CFAP61: variants seen among roughly 807,000 people sequenced by gnomAD.
CFAP61 encodes the protein cilia- and flagella-associated protein 61.
In CFAP61, 107 loss-of-function variants were observed where a neutral mutation model predicts 135.6. The ratio of observed to expected loss-of-function variants is 0.79; its 90% CI spans 0.67 to 0.93. The LOEUF (loss-of-function observed/expected upper bound fraction) is 0.93, where lower values mean the gene tolerates loss of function less well. CFAP61 is among the 40% of genes least tolerant of loss of function. CFAP61 has a pLI of 0.00. For missense variants in CFAP61, 1,507 were observed against 1,556.2 expected (o/e 0.97, Z 0.53); for synonymous variants, 575 against 578.5 (o/e 0.99, Z 0.09).
intron 11 of CFAP61, among the ~76,000 whole-genome samples, 181 bp from the exon 12 acceptor site, chr20:20,166,216 T>TC (rs1351760235): frequency 3.3e-4 from 51 of 152,240 alleles, no homozygotes; most frequent in African/African-American, 1.2e-3. Context: ...TGCAGAATAC[T>TC]TTATTACTGA....
At chr20:20,241,247 A>T (rs2049995877) in intron 18 of CFAP61, among the ~76,000 whole-genome samples, 1 of 152,126 alleles carries the variant, frequency 6.6e-6, no homozygotes, top group Non-Finnish European at 1.5e-5. Context: ...GACATAGGAG[A>T]TGTGCTCACC....
intron 8 of CFAP61, among the ~76,000 whole-genome samples, chr20:20,125,588 A>C (rs1232336210): frequency 6.6e-6 from 1 of 151,616 alleles, no homozygotes; most frequent in African/African-American, 2.4e-5. Flanking sequence ...AGGCTGCTTG[A>C]TGTAATATTA....
intron 8 of CFAP61, among the ~76,000 whole-genome samples, chr20:20,136,107 A>G (rs1428782884): frequency 6.6e-6 from 1 of 151,976 alleles, no homozygotes; most frequent in Non-Finnish European, 1.5e-5. Flanking sequence ...TGCCAGACGT[A>G]TTGGAGCTGC....
At chr20:20,259,243 AT>A (rs2051941907) in intron 20 of CFAP61, among the ~76,000 whole-genome samples, 2 of 120,880 alleles carry the variant, frequency 1.7e-5, no homozygotes, top group Admixed American at 1.9e-4. Flanking sequence ...AGGCCCTTCC[AT>A]CTTTTTTTTT....
At chr20:20,153,464 C>A (rs968019402) in intron 9 of CFAP61, among the ~76,000 whole-genome samples, 1 of 151,928 alleles carries the variant, frequency 6.6e-6, no homozygotes, top group African/African-American at 2.4e-5. Context: ...AATTGATAGA[C>A]CATTACCAAG....
chr20:20,121,491 A>G (rs1038678680), intron 8 of CFAP61, among the ~76,000 whole-genome samples: 3 of 151,138 alleles, frequency 2.0e-5, no homozygotes, highest in African/African-American at 7.3e-5. Context: ...TTTAGTTTTT[A>G]AAATTTTTAA....
chr20:20,195,081 A>C (rs1367207254), intron 15 of CFAP61, among the ~76,000 whole-genome samples: 2 of 152,194 alleles, frequency 1.3e-5, no homozygotes, highest in Non-Finnish European at 2.9e-5. Flanking sequence ...GTCTTATAGT[A>C]TAAAGGCCAT....
intron 25 of CFAP61, among the ~76,000 whole-genome samples, 187 bp downstream of exon 25, chr20:20,298,573 G>T (rs2055823931): frequency 6.6e-6 from 1 of 152,200 alleles, no homozygotes; most frequent in Non-Finnish European, 1.5e-5. Flanking sequence ...GAGAGTCACA[G>T]GATGTGTCCA....
chr20:20,144,250 G>A (rs1310330646), intron 9 of CFAP61, among the ~76,000 whole-genome samples: 2 of 152,130 alleles, frequency 1.3e-5, no homozygotes, highest in Non-Finnish European at 2.9e-5. Context: ...TGCATAAGGT[G>A]GAGATAAATC....
chr20:20,247,412 G>T (rs12626132), intron 19 of CFAP61, among the ~76,000 whole-genome samples: 2 of 152,138 alleles, frequency 1.3e-5, no homozygotes, highest in Admixed American at 6.5e-5. Context: ...AGCCACTGGC[G>T]TCCCTGCTGC....
At chr20:20,227,758 A>G (rs965973340) in intron 17 of CFAP61, among the ~76,000 whole-genome samples, 43 of 152,232 alleles carry the variant, frequency 2.8e-4, no homozygotes, top group African/African-American at 1.0e-3. Context: ...TCCACAAGAC[A>G]CCGCGTTAAG....
chr20:20,300,242 T>C (rs1209260593), intron 25 of CFAP61, among the ~76,000 whole-genome samples: 1 of 152,218 alleles, frequency 6.6e-6, no homozygotes, highest in Non-Finnish European at 1.5e-5. Flanking sequence ...GTATTTACTA[T>C]ACTATACATT....
chr20:20,153,271 G>A (rs2052604546), intron 9 of CFAP61, among the ~76,000 whole-genome samples: 1 of 152,092 alleles, frequency 6.6e-6, no homozygotes, highest in Admixed American at 6.5e-5. Context: ...CGAAAAGTCT[G>A]AAAGAGCACA....
intron 22 of CFAP61, 22 bp downstream of exon 22, chr20:20,277,480 T>C (rs2053858429): frequency 6.3e-7 from 1 of 1,580,242 alleles, no homozygotes; most frequent in African/African-American, 1.3e-5. Flanking sequence ...CCTGCAAACC[T>C]CACTCACCAG....
chr20:20,127,165 CTCTGG>C (rs2050133591), intron 8 of CFAP61, among the ~76,000 whole-genome samples: 1 of 151,648 alleles, frequency 6.6e-6, no homozygotes, highest in Non-Finnish European at 1.5e-5. Flanking sequence ...CTTCGCCTTT[CTCTGG>C]TGCCTCCCTG....
At chr20:20,306,070 C>CT (rs980535254) in intron 25 of CFAP61, among the ~76,000 whole-genome samples, 5 of 152,144 alleles carry the variant, frequency 3.3e-5, no homozygotes, top group African/African-American at 1.2e-4. Context: ...AACTAGGGGT[C>CT]TTTTTTAGCA....
chr20:20,337,504 G>A (rs2058261861), intron 25 of CFAP61, among the ~76,000 whole-genome samples: 3 of 107,232 alleles, frequency 2.8e-5, no homozygotes, highest in Non-Finnish European at 4.0e-5. Context: ...ATGGGTGGAT[G>A]GATAAATGGA....
chr20:20,161,332 A>G (rs2053387635), intron 10 of CFAP61, among the ~76,000 whole-genome samples: 1 of 152,234 alleles, frequency 6.6e-6, no homozygotes, highest in Non-Finnish European at 1.5e-5. Context: ...AACAAGGTGG[A>G]TTGATCTCCT....
intron 19 of CFAP61, among the ~76,000 whole-genome samples, chr20:20,248,492 C>T (rs528304735): frequency 8.5e-5 from 13 of 152,174 alleles, no homozygotes; most frequent in African/African-American, 2.2e-4. Flanking sequence ...TCTTTCCCAC[C>T]GCCCCCATCC....
Sources: allele counts gnomAD v4.1 joint callset (sites outside exome capture counted in the v4.1 genomes callset), GRCh38; gene constraint gnomAD v4.1.1; transcripts MANE v1.5; gene names NCBI Gene and HGNC (gene_info 2026-07-23, HGNC 2026-07-21).